Variants in COL28A1 observed in about 807,000 individuals in gnomAD.
COL28A1 encodes the protein collagen type XXVIII alpha 1 chain.
Under a neutral mutation model 150.2 loss-of-function variants are expected in COL28A1, and 161 were observed. That is an observed-to-expected ratio of 1.07 (90% CI 0.94 to 1.22). The LOEUF (loss-of-function observed/expected upper bound fraction) is 1.22. Ranked by LOEUF, COL28A1 falls within the 50% of genes most tolerant of loss-of-function variation. The pLI is 0.00. For synonymous variants in COL28A1, 552 were observed against 469.7 expected (o/e 1.18, Z -2.26); for missense variants, 1,617 against 1,388.3 (o/e 1.16, Z -2.62).
Position 7,456,025 on chromosome 7 carries a change from G to T in COL28A1, c.1371+19C>A. The T allele has an allele frequency of 6.2e-7, 1 of 1,613,688 alleles. No individual in the cohort carries two copies. Among genetic ancestry groups the T allele is most frequent in the Non-Finnish European group, 8.5e-7 (1 of 1,179,772 alleles). On this transcript the variant is annotated intron_variant, in intron 16 of 34. Transcript: ENST00000399429. ...TGGAATGTTCTGCACTGAAGGGAAA[G>T]GAAGAATGCATTAATTACCTGTTCC... is the stretch of plus-strand genomic sequence containing the variant.
rs962059056 is a variant in COL28A1, at chr7:7,381,519, T to C, written c.2205+25A>G. 2.5e-6 allele frequency: 4 copies of C among 1,580,960 alleles called. No individual in the cohort carries two copies. In the African/African-American group the frequency reaches 5.4e-5, roughly 21 times the overall value. ...CTATTGCGATCCTAAGCCTAAGCATTTCTCTAAGATCCTGAGACACTTACC... is the reference window on the plus strand; with the variant it reads ...CTATTGCGATCCTAAGCCTAAGCATCTCTCTAAGATCCTGAGACACTTACC... On this transcript the variant is annotated intron_variant, in intron 28 of 34. Transcript: ENST00000399429.
intron 33 of COL28A1, among the ~76,000 whole-genome samples, chr7:7,361,845 T>C (rs1210046453): frequency 4.6e-5 from 3 of 65,854 alleles, no homozygotes; most frequent in Non-Finnish European, 1.0e-4. Context: ...TGGAATACTA[T>C]GCAGCCATAA....
chr7:7,427,601 T>G (rs1784719568), intron 25 of COL28A1, among the ~76,000 whole-genome samples: 1 of 152,216 alleles, frequency 6.6e-6, no homozygotes, highest in Non-Finnish European at 1.5e-5. Context: ...GAGGGGCAAT[T>G]CAGATGCTGG....
chr7:7,532,630 A>C, intron 2 of COL28A1, 122 bp downstream of exon 2: 1 of 1,261,890 alleles, frequency 7.9e-7, no homozygotes, highest in East Asian at 2.5e-5. Context: ...ATTTTATCAA[A>C]GTAGACTATC....
At chr7:7,374,038 A>ATAT (rs1554260692) in intron 31 of COL28A1, among the ~76,000 whole-genome samples, 2,812 of 113,504 alleles carry the variant, frequency 0.025, 41 homozygotes, top group South Asian at 0.053. Flanking sequence ...AAAAAAAAAA[A>ATAT]ATATATATAT....
chr7:7,398,841 T>C (rs1782995458), intron 27 of COL28A1, among the ~76,000 whole-genome samples: 1 of 152,214 alleles, frequency 6.6e-6, no homozygotes, highest in South Asian at 2.1e-4. Context: ...AGTCTCCTTG[T>C]CCTCCTGAGT....
At chr7:7,491,587 C>G (rs1317550380) in intron 11 of COL28A1, among the ~76,000 whole-genome samples, 2 of 152,224 alleles carry the variant, frequency 1.3e-5, no homozygotes, top group Non-Finnish European at 2.9e-5. Flanking sequence ...TAATAATAGC[C>G]TATGATGTGG....
At chr7:7,477,023 TA>T in intron 14 of COL28A1, 88 bp downstream of exon 14, 1 of 758,374 alleles carries the variant, frequency 1.3e-6, no homozygotes, top group South Asian at 1.6e-5. Flanking sequence ...AATTAACTTC[TA>T]AAAATTGGCT....
At chr7:7,456,668 C>A (rs1265541612) in intron 15 of COL28A1, among the ~76,000 whole-genome samples, 1 of 152,162 alleles carries the variant, frequency 6.6e-6, no homozygotes, top group African/African-American at 2.4e-5. Flanking sequence ...ATAATTCATT[C>A]TTTCTGTGTC....
chr7:7,520,404 C>T (rs1035004841), intron 5 of COL28A1, among the ~76,000 whole-genome samples: 1 of 152,210 alleles, frequency 6.6e-6, no homozygotes, highest in Non-Finnish European at 1.5e-5. Context: ...CAAAATCAAA[C>T]TCATGCAAAG....
intron 14 of COL28A1, among the ~76,000 whole-genome samples, chr7:7,476,180 C>T (rs920366581): frequency 2.0e-5 from 3 of 152,002 alleles, no homozygotes; most frequent in East Asian, 1.9e-4. Context: ...TGTACTTCTC[C>T]GGGCAGTATG....
chr7:7,400,273 C>T lies in COL28A1; in HGVS notation c.2136+17586G>A, dbSNP rs530114121. On this transcript the variant is annotated intron_variant, in intron 27 of 34. Coordinates refer to ENST00000399429, the MANE Select transcript of COL28A1 (RefSeq NM_001037763.3). ...TTATCCTGGATTATCCATGTGAGCC[C>T]TAAATGTAACCACAAGTATTCTAAG... 7.2e-5 allele frequency among the ~76,000 whole-genome samples: 11 copies of T among 152,140 alleles called. 1 individual carries two copies. In the East Asian group the frequency reaches 9.7e-4, roughly 13 times the overall value.
chr7:7,380,287 G>A (rs116227471), intron 30 of COL28A1, among the ~76,000 whole-genome samples: 1 of 152,158 alleles, frequency 6.6e-6, no homozygotes, highest in African/African-American at 2.4e-5. Context: ...AAAGGAACTA[G>A]TTCAGGAAAA....
intron 11 of COL28A1, among the ~76,000 whole-genome samples, chr7:7,494,036 A>AGTGTGAATGT (rs528550214): frequency 4.6e-5 from 7 of 152,132 alleles, no homozygotes; most frequent in Non-Finnish European, 8.8e-5. Context: ...CCTCCATGTG[A>AGTGTGAATGT]GTGTGAATGT....
At chr7:7,541,596 C>T in the COL28A1 span, among the ~76,000 whole-genome samples, 14 of 152,236 alleles carry the variant, frequency 9.2e-5, no homozygotes, top group African/African-American at 3.1e-4. Context: ...TGGGCACCAC[C>T]TTGTGGGACT....
intron 27 of COL28A1, among the ~76,000 whole-genome samples, chr7:7,403,389 T>C (rs972641197): frequency 2.6e-5 from 4 of 152,224 alleles, no homozygotes; most frequent in African/African-American, 9.6e-5. Flanking sequence ...TAAAGAGGCT[T>C]CTCAACGCCT....
At chr7:7,364,052 C>G (rs1267274681) in intron 33 of COL28A1, among the ~76,000 whole-genome samples, 2 of 152,122 alleles carry the variant, frequency 1.3e-5, no homozygotes, top group African/African-American at 4.8e-5. Context: ...AATATCAACC[C>G]TTCCACCACA....
In COL28A1 at chr7:7,429,474, G is replaced by GT. The variant is rs201682636; in HGVS notation, c.1998+2998_1998+2999insA. Among the ~76,000 whole-genome samples the GT allele has an allele frequency of 2.5e-3, 215 of 87,062 alleles. 2 individuals are homozygous for GT. The highest frequency in any genetic ancestry group is 0.011 in the African/African-American group (185 of 16,386). The allele number at this position is 87,062 out of a possible 152,430, so 57.1% of individuals were successfully genotyped here. A position where few individuals can be genotyped will look rare whatever the true frequency, so the allele number is the denominator to read the frequency against. On this transcript the variant is annotated intron_variant, in intron 25 of 34. Coordinates refer to ENST00000399429, the MANE Select transcript of COL28A1 (RefSeq NM_001037763.3). ...CTCTCTGTGCTCTGTGTGTGTGTGT[G>GT]GGGGGGGGGATGGTGTGTGTGTATG...
At chr7:7,418,012 A>T in intron 26 of COL28A1, 85 bp from the exon 27 acceptor site, 1 of 1,087,996 alleles carries the variant, frequency 9.2e-7, no homozygotes, top group Non-Finnish European at 1.4e-6. Context: ...TCTCAGCTGC[A>T]TTCTTACTTC....
Sources: allele counts gnomAD v4.1 joint callset (sites outside exome capture counted in the v4.1 genomes callset), GRCh38; gene constraint gnomAD v4.1.1; transcripts MANE v1.5; gene names NCBI Gene and HGNC (gene_info 2026-07-23, HGNC 2026-07-21).